The following ZFPM2 variants were observed in gnomAD, a reference collection of about 807,000 sequenced individuals.
ZFPM2 encodes zinc finger protein ZFPM2.
In ZFPM2, 20 loss-of-function variants were observed where a neutral mutation model predicts 98.6. The observed-to-expected ratio is 0.20, with a 90% confidence interval of 0.14 to 0.29. The LOEUF (loss-of-function observed/expected upper bound fraction) is 0.29, where lower values mean the gene tolerates loss of function less well. Ranked by LOEUF, ZFPM2 falls within the 10% of genes least tolerant of loss-of-function variation. The pLI is 1.00. For missense variants in ZFPM2, 1,310 were observed against 1,388.6 expected (o/e 0.94, Z 0.90); for synonymous variants, 518 against 502.7 (o/e 1.03, Z -0.41).
intron 1 of ZFPM2, among the ~76,000 whole-genome samples, chr8:105,350,755 G>A (rs1812625242): frequency 6.6e-6 from 1 of 152,144 alleles, no homozygotes; most frequent in Admixed American, 6.5e-5. Flanking sequence ...GGACACAAAA[G>A]TGTCATACCT....
intron 3 of ZFPM2, among the ~76,000 whole-genome samples, chr8:105,559,541 A>G (rs1440304753): frequency 6.6e-6 from 1 of 152,214 alleles, no homozygotes; most frequent in Non-Finnish European, 1.5e-5. Flanking sequence ...TGGGAACATG[A>G]AATTGTTATG....
rs776226503 is a variant in ZFPM2 at position 105,802,876 on chromosome 8, T to C, written c.2794T>C (p.Phe932Leu). 4 of 1,613,766 alleles carry C rather than the reference T, an allele frequency of 2.5e-6. No individual in the cohort carries two copies. The highest frequency in any genetic ancestry group is 3.4e-6 in the Non-Finnish European group (4 of 1,179,832). The change falls in exon 8 of 8, where the codon TTT becomes CTT. Residue 932 changes from phenylalanine to leucine, a missense_variant. Phe to Leu is a conservative substitution (Grantham distance 22). Coordinates refer to ENST00000407775, the MANE Select transcript of ZFPM2 (RefSeq NM_012082.4). ...GCAGCCTTCCCCCAATGGAAACTTA[T>C]TTTCATCCCACCTAGCAACCCTGCA... is the stretch of plus-strand genomic sequence containing the variant. ...LKQPSPNGNL[F>L]SSHLATLQGL...
intron 6 of ZFPM2, among the ~76,000 whole-genome samples, chr8:105,794,452 G>C (rs1377016251): frequency 6.6e-6 from 1 of 152,148 alleles, no homozygotes; most frequent in Non-Finnish European, 1.5e-5. Flanking sequence ...TTGTCTCAGA[G>C]GAGTATCTGG....
At position 105,510,398 on chromosome 8, in the gene ZFPM2, GT is replaced by G. The variant is rs756888707; in HGVS notation, c.302-50951del. On this transcript the variant is annotated intron_variant, in intron 3 of 7. Transcript: ENST00000407775. ...AATATCAGGGCAGGGGTCTGTGCAT[GT>G]TTTTTTTTTTTTTGTTTGTTTGTTT... Among the ~76,000 whole-genome samples the G allele has an allele frequency of 8.2e-3, 1,140 of 138,832 alleles. 7 individuals carry two copies. The highest frequency in any genetic ancestry group is 0.019 in the African/African-American group (711 of 38,308). 91.1% of individuals were successfully genotyped at this position (138,832 alleles called of 152,430 possible). A position where few individuals can be genotyped will look rare whatever the true frequency, so the allele number is the denominator to read the frequency against.
chr8:105,330,029 A>G (rs1485414163), intron 1 of ZFPM2, among the ~76,000 whole-genome samples: 1 of 151,688 alleles, frequency 6.6e-6, no homozygotes. Flanking sequence ...AATTAACAGG[A>G]TAAATGTTCT....
At chr8:105,749,555 A>G (rs1464293973) in intron 5 of ZFPM2, among the ~76,000 whole-genome samples, 2 of 152,010 alleles carry the variant, frequency 1.3e-5, no homozygotes. Context: ...TATCCTGGTC[A>G]TGTTCAGCAT....
chr8:105,513,791 A>G (rs1349472207), intron 3 of ZFPM2, among the ~76,000 whole-genome samples: 1 of 152,202 alleles, frequency 6.6e-6, no homozygotes, highest in Non-Finnish European at 1.5e-5. Flanking sequence ...AACATTTTAT[A>G]TGGTGCTAAC....
chr8:105,428,085 T>C (rs747523411), intron 2 of ZFPM2, among the ~76,000 whole-genome samples: 1 of 152,186 alleles, frequency 6.6e-6, no homozygotes, highest in Non-Finnish European at 1.5e-5. Context: ...TGGTGCTTAA[T>C]AAAAATAGAG....
chr8:105,450,823 A>G (rs375141987), intron 3 of ZFPM2, among the ~76,000 whole-genome samples: 4 of 152,106 alleles, frequency 2.6e-5, no homozygotes, highest in African/African-American at 9.7e-5. Flanking sequence ...TAAAAAATAA[A>G]TCTTCTGTAG....
intron 3 of ZFPM2, among the ~76,000 whole-genome samples, chr8:105,526,559 G>T (rs1814178553): frequency 6.6e-6 from 1 of 151,990 alleles, no homozygotes; most frequent in Admixed American, 6.6e-5. Context: ...TTTTATATTT[G>T]CATTTGAGGT....
chr8:105,739,323 A>G (rs369262252), intron 5 of ZFPM2, among the ~76,000 whole-genome samples: 1 of 152,180 alleles, frequency 6.6e-6, no homozygotes, highest in South Asian at 2.1e-4. Flanking sequence ...GTCACAGATT[A>G]TAACGAGTAA....
At chr8:105,424,746 A>G (rs915019705) in intron 2 of ZFPM2, among the ~76,000 whole-genome samples, 1 of 152,224 alleles carries the variant, frequency 6.6e-6, no homozygotes, top group Admixed American at 6.5e-5. Context: ...GTCAAATTCA[A>G]TACAACTCAA....
At chr8:105,328,846 A>G (rs761973340) in intron 1 of ZFPM2, among the ~76,000 whole-genome samples, 19 of 151,858 alleles carry the variant, frequency 1.3e-4, no homozygotes, top group Non-Finnish European at 2.7e-4. Flanking sequence ...TGACTTGTAC[A>G]TAAGTACTCT....
chr8:105,325,352 G>A (rs571091736), intron 1 of ZFPM2, among the ~76,000 whole-genome samples: 1 of 151,794 alleles, frequency 6.6e-6, no homozygotes. Context: ...CATAAAGATA[G>A]CACATTTGTT....
At chr8:105,502,108 G>C (rs1813607777) in intron 3 of ZFPM2, among the ~76,000 whole-genome samples, 1 of 152,080 alleles carries the variant, frequency 6.6e-6, no homozygotes, top group Non-Finnish European at 1.5e-5. Flanking sequence ...ACACAAATTA[G>C]ATGTTCAACT....
At chr8:105,392,940 T>A (rs1335622992) in intron 1 of ZFPM2, among the ~76,000 whole-genome samples, 1 of 152,212 alleles carries the variant, frequency 6.6e-6, no homozygotes, top group Non-Finnish European at 1.5e-5. Context: ...CTTTAACACT[T>A]GGAATTATGT....
intron 5 of ZFPM2, among the ~76,000 whole-genome samples, chr8:105,768,723 C>A (rs1364892518): frequency 1.3e-5 from 2 of 151,842 alleles, no homozygotes; most frequent in Non-Finnish European, 2.9e-5. Flanking sequence ...AATAAAAATA[C>A]CTACCTTGTA....
chr8:105,640,522 T>C (rs1208135872), intron 5 of ZFPM2, among the ~76,000 whole-genome samples: 1 of 152,086 alleles, frequency 6.6e-6, no homozygotes, highest in South Asian at 2.1e-4. Flanking sequence ...ATTAGTTAAT[T>C]TAACCATTTT....
chr8:105,429,220 A>AT (rs1181411880), intron 2 of ZFPM2, among the ~76,000 whole-genome samples: 1 of 152,008 alleles, frequency 6.6e-6, no homozygotes. Context: ...GTAAACTGTA[A>AT]TTTTTTTCAA....
Sources: gnomAD v4.1 joint callset for allele counts (sites outside exome capture counted in the v4.1 genomes callset) on GRCh38, gnomAD v4.1.1 for gene constraint, MANE v1.5 for transcripts, NCBI Gene and HGNC (gene_info 2026-07-23, HGNC 2026-07-21) for gene names.